CCDC40: variants seen among roughly 807,000 people sequenced by gnomAD.
CCDC40 encodes coiled-coil domain 40 molecular ruler complex subunit, also known as coiled-coil domain-containing protein 40.
Under a neutral mutation model 124.5 loss-of-function variants are expected in CCDC40, and 104 were observed. The observed-to-expected ratio is 0.84, with a 90% CI of 0.71 to 0.98. The LOEUF (loss-of-function observed/expected upper bound fraction) is 0.98, where lower values mean the gene tolerates loss of function less well. CCDC40 is among the 50% of genes least tolerant of loss of function. The pLI, the probability that CCDC40 is intolerant of heterozygous loss-of-function variation, is 0.00. For missense variants in CCDC40, 1,463 were observed against 1,503.9 expected, an observed-to-expected ratio of 0.97 and a Z score of 0.45; for synonymous variants, 580 against 602.9, an observed-to-expected ratio of 0.96 and a Z score of 0.56.
intron 18 of CCDC40, 142 bp from the exon 19 acceptor site, chr17:80,097,103 C>CT (rs1567817962): frequency 2.2e-6 from 2 of 919,504 alleles, no homozygotes; most frequent in African/African-American, 1.6e-5. Flanking sequence ...GGCCTCGCCT[C>CT]TCCAGCCCTC....
rs1282508315 is a variant in CCDC40, at chr17:80,087,371, GT to G, written c.2450-234del. On this transcript the variant is annotated intron_variant, in intron 14 of 19. Transcript: ENST00000397545. The surrounding 1 kb of genome is among the most constrained non-coding windows in gnomAD (Gnocchi z 4.5). ...CCCACAGGCAGGTCCTCTCAGTTCCGTTGGAGGACCAGGCTTTGGGAGCTTA... is the reference window on the plus strand; with the variant it reads ...CCCACAGGCAGGTCCTCTCAGTTCCGTGGAGGACCAGGCTTTGGGAGCTTA... The G allele has an allele frequency of 1.8e-6, 1 of 568,162 alleles. No individual in the cohort carries two copies. The highest frequency in any genetic ancestry group is 1.9e-5 in the African/African-American group (1 of 53,140). The allele number at this position is 568,162 out of a possible 1,614,324, so 35.2% of individuals were successfully genotyped here. A position where few individuals can be genotyped will look rare whatever the true frequency, so the allele number is the denominator to read the frequency against.
At chr17:80,078,006 T>G (rs1184003738) in intron 10 of CCDC40, among the ~76,000 whole-genome samples, 2 of 152,146 alleles carry the variant, frequency 1.3e-5, no homozygotes, top group Admixed American at 6.5e-5. Context: ...TCTTTCCTGA[T>G]TCATGCTTTT....
At chr17:80,067,471 T>C (rs538278782) in intron 10 of CCDC40, 112 of 875,232 alleles carry the variant, frequency 1.3e-4, no homozygotes, top group Admixed American at 5.8e-4. Context: ...CCACACTCAC[T>C]GTTCTGCACC....
chr17:80,096,708 C>T (rs564378183), intron 18 of CCDC40, among the ~76,000 whole-genome samples: 3 of 152,352 alleles, frequency 2.0e-5, no homozygotes, highest in Non-Finnish European at 4.4e-5. Context: ...TTCCGTGTCC[C>T]CAGCCAGCCC....
At chr17:80,070,009 G>A (rs758795968) in intron 10 of CCDC40, among the ~76,000 whole-genome samples, 8 of 152,162 alleles carry the variant, frequency 5.3e-5, no homozygotes, top group Admixed American at 1.3e-4. Context: ...GGCAACGAGC[G>A]GGTGATTTCA....
rs2038445882 is a variant in CCDC40 at position 80,081,438 on chromosome 17, C to G, written c.1563-108C>G. ...AGAGTTGGCTTCCTAATTTATTTCT[C>G]TGTGCATTGAGTTCGCCTTAGTGAG... On this transcript the variant is annotated intron_variant, in intron 10 of 19. Transcript: ENST00000397545. The G allele has an allele frequency of 1.9e-5, 19 of 1,008,382 alleles. No homozygotes were observed. In the South Asian group the frequency reaches 2.5e-4, roughly 13 times the overall value. The allele number at this position is 1,008,382 out of a possible 1,614,324, so 62.5% of individuals were successfully genotyped here.
chr17:80,090,253 CGGGA>C, intron 17 of CCDC40: 1 of 948,786 alleles, frequency 1.1e-6, no homozygotes, highest in Non-Finnish European at 1.5e-6. Flanking sequence ...ACGAACAACA[CGGGA>C]CGCGCGCGGG....
intron 1 of CCDC40, 27 bp downstream of exon 1, chr17:80,036,718 CT>C: frequency 2.1e-6 from 3 of 1,463,322 alleles, no homozygotes; most frequent in Non-Finnish European, 2.7e-6. Context: ...GGCAGCGGGT[CT>C]TGGAGTCGCC....
chr17:80,060,355 C>A (rs776567146), intron 9 of CCDC40, among the ~76,000 whole-genome samples: 1 of 151,632 alleles, frequency 6.6e-6, no homozygotes, highest in African/African-American at 2.4e-5. Context: ...CCAGACTGGG[C>A]AACATGGTGA....
chr17:80,044,559 C>T (rs2037364142), intron 3 of CCDC40, among the ~76,000 whole-genome samples: 1 of 151,788 alleles, frequency 6.6e-6, no homozygotes, highest in South Asian at 2.1e-4. Flanking sequence ...TGGTGCACAC[C>T]TGTAGTCCCA....
intron 18 of CCDC40, among the ~76,000 whole-genome samples, chr17:80,096,774 T>G (rs951232452): frequency 6.6e-6 from 1 of 152,234 alleles, no homozygotes; most frequent in Admixed American, 6.5e-5. Context: ...TGCCAAACAC[T>G]GCCTGCCCGG....
At chr17:80,061,632 C>T (rs1161138271) in intron 9 of CCDC40, among the ~76,000 whole-genome samples, 1 of 152,232 alleles carries the variant, frequency 6.6e-6, no homozygotes. Context: ...GCCCGCACTT[C>T]CTTCATTTCT....
chr17:80,060,399 A>T (rs921343303), intron 9 of CCDC40, among the ~76,000 whole-genome samples: 7 of 152,010 alleles, frequency 4.6e-5, no homozygotes, highest in Admixed American at 2.0e-4. Flanking sequence ...ATAATTAAAA[A>T]AAAATAAAAC....
intron 3 of CCDC40, among the ~76,000 whole-genome samples, chr17:80,046,733 G>T (rs2037429881): frequency 6.6e-6 from 1 of 152,094 alleles, no homozygotes; most frequent in African/African-American, 2.4e-5. Context: ...CCTGGCCAGG[G>T]TCTCCCAAGA....
Position 80,099,674 on chromosome 17 carries a change from A to G in CCDC40, c.3328A>G (p.Ile1110Val). Residue 1110 changes from isoleucine (I) to valine (V), a missense_variant, in exon 20 of 20, where the codon ATC becomes GTC. Physicochemically the swap from Ile to Val is conservative, Grantham distance 29 (BLOSUM62 3). Transcript: ENST00000397545. ...LDKRLALIAT[I>V]LDRVRDEYPQ... ...CAAGCGACTGGCTCTCATCGCCACC[A>G]TCCTGGACCGCGTGCGGGACGAGTA... The G allele has an allele frequency of 6.2e-7, 1 of 1,613,878 alleles. No individual in the cohort carries two copies. Among genetic ancestry groups the G allele is most frequent in the Non-Finnish European group, 8.5e-7 (1 of 1,180,022 alleles).
intron 7 of CCDC40, among the ~76,000 whole-genome samples, chr17:80,056,017 T>TATA (rs1555893115): frequency 7.5e-5 from 2 of 26,706 alleles, no homozygotes; most frequent in East Asian, 1.3e-3. Flanking sequence ...TATATATATA[T>TATA]TTTTTTTTTT....
rs1434539630 is a variant in CCDC40 at position 80,095,348 on chromosome 17, C to A, written c.2918C>A (p.Thr973Asn). The change falls in exon 18 of 20, where the codon ACC (threonine) becomes AAC (asparagine). Residue 973 changes from threonine (T) to asparagine (N), a missense_variant. Thr to Asn is a moderately conservative substitution (Grantham distance 65). Transcript: ENST00000397545. ...GTTGCCCGCAGAGAGACCGTCACCA[C>A]CCAGGCCGAGGGGCAGCGCAAGATG... ...LAVARRETVTTQAEGQRKMDR... is the reference protein window; with the variant it reads ...LAVARRETVTNQAEGQRKMDR... 1 of 1,614,106 alleles carries A rather than the reference C, an allele frequency of 6.2e-7. No individual in the cohort carries two copies. The highest frequency in any genetic ancestry group is 1.3e-5 in the African/African-American group (1 of 75,068).
chr17:80,091,762 C>A (rs2038727957), intron 17 of CCDC40, among the ~76,000 whole-genome samples: 1 of 152,108 alleles, frequency 6.6e-6, no homozygotes, highest in African/African-American at 2.4e-5. Context: ...CACATCCTTC[C>A]TTACTGGTTC....
chr17:80,037,569 T>A (rs9903780), intron 1 of CCDC40, among the ~76,000 whole-genome samples: 1 of 151,012 alleles, frequency 6.6e-6, no homozygotes, highest in Non-Finnish European at 1.5e-5. Flanking sequence ...CTAAATGTTA[T>A]CAATGATTAT....
Sources: gnomAD v4.1 joint callset for allele counts (sites outside exome capture counted in the v4.1 genomes callset) on GRCh38, gnomAD v4.1.1 for gene constraint, Gnocchi (gnomAD v3.1) non-coding constraint, MANE v1.5 for transcripts, NCBI Gene and HGNC (gene_info 2026-07-23, HGNC 2026-07-21) for gene names.